The following TEX14 variants were observed in gnomAD, a reference collection of about 807,000 sequenced individuals.
TEX14 encodes the protein testis expressed 14, intercellular bridge forming factor.
Under a neutral mutation model 178.6 loss-of-function variants are expected in TEX14, and 168 were observed. The observed-to-expected ratio is 0.94, with a 90% CI of 0.83 to 1.07. The LOEUF (loss-of-function observed/expected upper bound fraction) is 1.07. Ranked by LOEUF, TEX14 falls within the 50% of genes least tolerant of loss-of-function variation. The pLI, the probability that TEX14 is intolerant of heterozygous loss-of-function variation, is 0.00. For missense variants in TEX14, 1,730 were observed against 1,753.6 expected (o/e 0.99, Z 0.24); for synonymous variants, 626 against 634.1 (o/e 0.99, Z 0.19).
In TEX14 at chr17:58,559,498, G is replaced by A. The variant is rs747627710; in HGVS notation, c.4222C>T (p.Pro1408Ser). Reference sequence around the variant, plus strand: ...ACACCCTCTGATTTCCTTCTTTCTGGTGTAATGCTATCTTCCCTTTTTCTT... The same window carrying A: ...ACACCCTCTGATTTCCTTCTTTCTGATGTAATGCTATCTTCCCTTTTTCTT... The part of the protein sequence containing the change: ...EKRKREDSIT[P>S]ERRKSEGVLG... The change falls in exon 30 of 32, where the codon CCA (proline) becomes TCA (serine). Residue 1408 changes from proline to serine, a missense_variant. Physicochemically the swap from Pro to Ser is moderately conservative, Grantham distance 74. Coordinates refer to ENST00000349033, the MANE Select transcript of TEX14 (RefSeq NM_031272.5). 1.0e-4 allele frequency: 160 copies of A among 1,570,674 alleles called. 1 individual carries two copies. The South Asian group carries it at 1.7e-3, about 17-fold the overall frequency.
intron 10 of TEX14, among the ~76,000 whole-genome samples, chr17:58,605,977 G>A (rs866097723): frequency 1.8e-4 from 28 of 152,152 alleles, no homozygotes; most frequent in African/African-American, 6.5e-4. Flanking sequence ...ATAAATGAAC[G>A]TAAACTCTTT....
At chr17:58,620,692 A>G (rs1033832034) in intron 5 of TEX14, among the ~76,000 whole-genome samples, 5 of 151,938 alleles carry the variant, frequency 3.3e-5, no homozygotes, top group Non-Finnish European at 7.4e-5. Flanking sequence ...CGGGGGTTTC[A>G]CCATGTTGGC....
chr17:58,656,718 C>T (rs1307824270), intron 1 of TEX14, among the ~76,000 whole-genome samples: 6 of 148,818 alleles, frequency 4.0e-5, no homozygotes, highest in East Asian at 2.0e-4. Context: ...CGCACCACTG[C>T]GCTCCAGCCT....
At chr17:58,622,780 T>G (rs1465874648) in intron 4 of TEX14, 67 bp downstream of exon 4, 7 of 1,493,878 alleles carry the variant, frequency 4.7e-6, no homozygotes, top group Non-Finnish European at 6.4e-6. Context: ...TGCTGACCAC[T>G]GGGAGCCTGA....
Position 58,621,631 on chromosome 17 carries a change from T to C in TEX14, c.554+19A>G, listed in dbSNP as rs1367169850. 11 of 1,602,116 alleles carry C rather than the reference T, an allele frequency of 6.9e-6. No individual in the cohort carries two copies. The highest frequency in any genetic ancestry group is 9.4e-6 in the Non-Finnish European group (11 of 1,173,998). On this transcript the variant is annotated intron_variant, in intron 5 of 31. Transcript: ENST00000349033. ...CTGGGTGATGGAGACTATCCCACTC[T>C]GCTCAAGGCAGTACTCACCCCTGCA...
rs200087418 is a variant in TEX14 at position 58,621,673 on chromosome 17, G to C, written c.531C>G (p.Ser177=). 1.2e-6 allele frequency: 2 copies of C among 1,613,982 alleles called. No individual in the cohort carries two copies. The highest frequency in any genetic ancestry group is 2.7e-5 in the African/African-American group (2 of 74,936). The change falls in exon 5 of 32, where the codon TCC becomes TCG. Residue 177 remains serine, a synonymous_variant. Coordinates refer to ENST00000349033, the MANE Select transcript of TEX14 (RefSeq NM_031272.5). ...DSPQRLVYSP[S]WCGGLVQGNP... ...ACCCCTGCACGAGGCCCCCACACCA[G>C]GACGGGCTGTAGACAAGCCGCTGCG...
At chr17:58,617,278 C>A (rs1289812916) in intron 6 of TEX14, among the ~76,000 whole-genome samples, 2 of 152,108 alleles carry the variant, frequency 1.3e-5, no homozygotes, top group Admixed American at 6.6e-5. Context: ...AAATTAAAAA[C>A]TAAAAATTAA....
intron 2 of TEX14, among the ~76,000 whole-genome samples, chr17:58,645,034 G>A (rs997843512): frequency 7.6e-5 from 11 of 144,800 alleles, no homozygotes; most frequent in African/African-American, 2.8e-4. Context: ...CACCCAGGCT[G>A]GAGTGCAGTG....
At chr17:58,632,050 A>G (rs1019135993) in intron 2 of TEX14, among the ~76,000 whole-genome samples, 6 of 152,240 alleles carry the variant, frequency 3.9e-5, no homozygotes, top group Non-Finnish European at 8.8e-5. Context: ...TATGGTAGCA[A>G]AGCATGCAAA....
chr17:58,653,797 C>A (rs1394939503), intron 1 of TEX14, among the ~76,000 whole-genome samples: 1 of 152,208 alleles, frequency 6.6e-6, no homozygotes, highest in Non-Finnish European at 1.5e-5. Context: ...CCCTTTGTGG[C>A]AGTCCAGGTT....
chr17:58,603,554 TAA>T (rs71143256), intron 11 of TEX14, among the ~76,000 whole-genome samples: 34 of 71,690 alleles, frequency 4.7e-4, no homozygotes, highest in Admixed American at 5.1e-4. Context: ...GACTCCATCT[TAA>T]AAAAAAAAAA....
chr17:58,597,975 T>C (rs183178648), intron 14 of TEX14, among the ~76,000 whole-genome samples: 12 of 152,170 alleles, frequency 7.9e-5, no homozygotes, highest in Admixed American at 7.9e-4. Flanking sequence ...CCAGCTGTTA[T>C]CTGAGCTACT....
chr17:58,670,425 A>C (rs562383970), intron 1 of TEX14, among the ~76,000 whole-genome samples: 1 of 145,688 alleles, frequency 6.9e-6, no homozygotes, highest in African/African-American at 2.5e-5. Context: ...TGGGAAGATT[A>C]AAAAAAAAAA....
intron 1 of TEX14, among the ~76,000 whole-genome samples, chr17:58,680,959 T>C (rs1242109808): frequency 6.6e-6 from 1 of 152,082 alleles, no homozygotes; most frequent in Non-Finnish European, 1.5e-5. Flanking sequence ...CGGTTTTCCA[T>C]CTTTACAAAA....
intron 18 of TEX14, among the ~76,000 whole-genome samples, chr17:58,585,208 A>G (rs953323547): frequency 1.3e-5 from 2 of 152,226 alleles, no homozygotes; most frequent in African/African-American, 2.4e-5. Flanking sequence ...ATTCCTCGCC[A>G]AAACCAGGGT....
chr17:58,570,795 T>A (rs551748797), intron 24 of TEX14, among the ~76,000 whole-genome samples: 3 of 151,946 alleles, frequency 2.0e-5, no homozygotes, highest in African/African-American at 7.2e-5. Context: ...CCAGCCAAAT[T>A]TTTTTCTGTA....
intron 19 of TEX14, 110 bp downstream of exon 19, chr17:58,584,390 A>C (rs2044900225): frequency 1.4e-6 from 1 of 739,522 alleles, no homozygotes; most frequent in Non-Finnish European, 2.3e-6. Context: ...TGCTCCAGCC[A>C]AAAAGAACTA....
intron 8 of TEX14, among the ~76,000 whole-genome samples, chr17:58,614,983 G>A (rs751990794): frequency 3.9e-5 from 6 of 152,224 alleles, no homozygotes; most frequent in Non-Finnish European, 5.9e-5. Flanking sequence ...TCAGAGACAT[G>A]GGTTACAGGG....
chr17:58,557,963 A>G (rs1477137448), intron 30 of TEX14, 113 bp from the exon 31 acceptor site: 3 of 713,784 alleles, frequency 4.2e-6, no homozygotes, highest in East Asian at 2.6e-5. Flanking sequence ...TTTACCTACA[A>G]TGGTTGTTAT....
Sources: allele counts gnomAD v4.1 joint callset (sites outside exome capture counted in the v4.1 genomes callset), GRCh38; gene constraint gnomAD v4.1.1; transcripts MANE v1.5; gene names NCBI Gene and HGNC (gene_info 2026-07-23, HGNC 2026-07-21).